GHR: variants seen among roughly 807,000 people sequenced by gnomAD.
The protein encoded by GHR is growth hormone receptor.
A neutral mutation model predicts 67.1 loss-of-function variants in GHR; 35 were observed. The observed-to-expected ratio is 0.52, with a 90% CI of 0.40 to 0.69. The LOEUF (loss-of-function observed/expected upper bound fraction) is 0.69, where lower values mean the gene tolerates loss of function less well. Among genes scored for constraint, GHR ranks in the 30% least tolerant of loss-of-function variants. The probability of loss-of-function intolerance (pLI) is 0.00; values close to 1 mark genes in which losing one functional copy is unlikely to be tolerated. For missense variants in GHR, 792 were observed against 764.6 expected (o/e 1.04, Z -0.42); for synonymous variants, 272 against 269.1 (o/e 1.01, Z -0.10).
At chr5:42,706,218 C>A (rs539967810) in intron 6 of GHR, among the ~76,000 whole-genome samples, 33 of 151,978 alleles carry the variant, frequency 2.2e-4, no homozygotes, top group African/African-American at 8.0e-4. Flanking sequence ...CTGTTTATGC[C>A]TTTTGTCCAT....
At chr5:42,492,469 T>C (rs1278889193) in intron 1 of GHR, among the ~76,000 whole-genome samples, 2 of 152,156 alleles carry the variant, frequency 1.3e-5, no homozygotes, top group East Asian at 1.9e-4. Flanking sequence ...CTGAAGGCTG[T>C]TTTTCTATAG....
In GHR at chr5:42,424,734, G is replaced by A. The variant is rs1742773255; in HGVS notation, c.-12+779G>A. On this transcript the variant is annotated intron_variant, in intron 1 of 9. Transcript: ENST00000230882. This position sits in a 1 kb window ranked among gnomAD's most constrained non-coding sequence, Gnocchi z 4.1. The stretch of plus-strand genomic sequence containing the variant: ...GGGGTGGCCGCGTGTCTAGGGAGAG[G>A]GCGCTGGCGGCGCAGAGGGTGCGGG... 1 of 927,888 alleles carries A rather than the reference G, an allele frequency of 1.1e-6. No homozygotes were observed. The highest frequency in any genetic ancestry group is 1.7e-6 in the Non-Finnish European group (1 of 592,056). 57.5% of individuals were successfully genotyped at this position (927,888 alleles called of 1,614,324 possible). A position where few individuals can be genotyped will look rare whatever the true frequency, so the allele number is the denominator to read the frequency against.
chr5:42,513,525 C>T (rs902074311), intron 1 of GHR, among the ~76,000 whole-genome samples: 4 of 152,152 alleles, frequency 2.6e-5, no homozygotes, highest in Admixed American at 6.5e-5. Flanking sequence ...CGGTACTGTA[C>T]GTCTGTAATC....
chr5:42,519,232 C>T (rs1414373182), intron 1 of GHR, among the ~76,000 whole-genome samples: 2 of 152,118 alleles, frequency 1.3e-5, no homozygotes, highest in Non-Finnish European at 2.9e-5. Flanking sequence ...TTGTCTTCAG[C>T]CCAAAACTTT....
chr5:42,617,343 G>T (rs1430737394), intron 2 of GHR, among the ~76,000 whole-genome samples: 1 of 150,222 alleles, frequency 6.7e-6, no homozygotes, highest in Non-Finnish European at 1.5e-5. Context: ...TATTATTTTG[G>T]TTGCTCTTCA....
At chr5:42,677,174 A>G (rs1186739613) in intron 3 of GHR, among the ~76,000 whole-genome samples, 1 of 152,134 alleles carries the variant, frequency 6.6e-6, no homozygotes, top group Non-Finnish European at 1.5e-5. Context: ...TAGTGAGAGA[A>G]CTCAAAACTC....
At chr5:42,463,719 C>A (rs1187922076) in intron 1 of GHR, among the ~76,000 whole-genome samples, 2 of 151,978 alleles carry the variant, frequency 1.3e-5, no homozygotes, top group South Asian at 4.1e-4. Context: ...GTGGGCCGGG[C>A]GCGGTGGCTC....
intron 3 of GHR, among the ~76,000 whole-genome samples, chr5:42,671,726 G>T (rs1756314590): frequency 6.6e-6 from 1 of 151,554 alleles, no homozygotes; most frequent in Non-Finnish European, 1.5e-5. Flanking sequence ...GGAGGCCGAG[G>T]TGGGCGGATC....
chr5:42,553,887 A>T (rs1031798443), intron 1 of GHR, among the ~76,000 whole-genome samples: 1 of 152,336 alleles, frequency 6.6e-6, no homozygotes, highest in Middle Eastern at 3.4e-3. Flanking sequence ...TTTCAGTATT[A>T]AAATTACTTG....
At chr5:42,458,219 A>C (rs529783093) in intron 1 of GHR, among the ~76,000 whole-genome samples, 2 of 152,290 alleles carry the variant, frequency 1.3e-5, no homozygotes, top group South Asian at 4.1e-4. Context: ...TCATTCTCTC[A>C]CTTCAAATCA....
At chr5:42,539,096 G>C (rs1002597624) in intron 1 of GHR, among the ~76,000 whole-genome samples, 2 of 151,712 alleles carry the variant, frequency 1.3e-5, no homozygotes, top group East Asian at 1.9e-4. Context: ...TCATTTCGTT[G>C]TATCAGATTT....
chr5:42,718,821 T>G lies in GHR; in HGVS notation c.1314T>G (p.Asp438Glu). ...QKNQNNSPYH[D>E]ACPATQQPSV... Reference sequence around the variant, plus strand: ...ATCAAAATAACTCACCTTATCATGATGCTTGCCCTGCTACTCAGCAGCCCA... The same window carrying G: ...ATCAAAATAACTCACCTTATCATGAGGCTTGCCCTGCTACTCAGCAGCCCA... The change falls in exon 10 of 10, where the codon GAT (aspartate) becomes GAG (glutamate). Residue 438 changes from aspartate (D) to glutamate (E), a missense_variant. Transcript: ENST00000230882. 1 of 1,614,150 alleles carries G rather than the reference T, an allele frequency of 6.2e-7. No homozygotes were observed. Among genetic ancestry groups the G allele is most frequent in the South Asian group, 1.1e-5 (1 of 91,074 alleles).
rs1242638702 is a variant in GHR, at chr5:42,720,729, G to T, written c.*1305G>T. 1 of 152,046 alleles carries T rather than the reference G, an allele frequency of 6.6e-6. No individual in the cohort carries two copies. Among genetic ancestry groups the T allele is most frequent in the African/African-American group, 2.4e-5 (1 of 41,390 alleles). The allele number at this position is 152,046 out of a possible 1,614,324, so 9.4% of individuals were successfully genotyped here. The stretch of plus-strand genomic sequence containing the variant: ...CAGATAACTGAAAATTATTTAAACC[G>T]CTAAAAGAAACTTTCTTTCTCACTA... On this transcript the variant is annotated 3_prime_UTR_variant, in exon 10 of 10. Transcript: ENST00000230882.
At chr5:42,699,422 G>T (rs1393980915) in intron 5 of GHR, among the ~76,000 whole-genome samples, 1 of 152,214 alleles carries the variant, frequency 6.6e-6, no homozygotes, top group African/African-American at 2.4e-5. Context: ...TCTACCCCTA[G>T]TTCCGAAGCA....
chr5:42,531,593 G>C (rs1747972060), intron 1 of GHR, among the ~76,000 whole-genome samples: 2 of 151,716 alleles, frequency 1.3e-5, no homozygotes, highest in South Asian at 4.2e-4. Flanking sequence ...ACAGATTTTT[G>C]AAGTTCACCC....
At chr5:42,637,330 G>A (rs1754246179) in intron 3 of GHR, among the ~76,000 whole-genome samples, 1 of 152,034 alleles carries the variant, frequency 6.6e-6, no homozygotes, top group African/African-American at 2.4e-5. Context: ...TTAGATTTAG[G>A]GGGTACACGT....
At chr5:42,636,880 G>A (rs1370456860) in intron 3 of GHR, among the ~76,000 whole-genome samples, 1 of 152,062 alleles carries the variant, frequency 6.6e-6, no homozygotes, top group East Asian at 1.9e-4. Context: ...ATATATTTAA[G>A]CCAAAAATAA....
At chr5:42,650,414 T>C (rs541972544) in intron 3 of GHR, among the ~76,000 whole-genome samples, 17 of 152,110 alleles carry the variant, frequency 1.1e-4, no homozygotes, top group Admixed American at 9.2e-4. Context: ...TTAAATTAGA[T>C]TGGCTGGAAT....
chr5:42,454,593 G>A (rs1744183065), intron 1 of GHR, among the ~76,000 whole-genome samples: 1 of 152,142 alleles, frequency 6.6e-6, no homozygotes, highest in African/African-American at 2.4e-5. Flanking sequence ...TGTTCCAGAG[G>A]GGATTATGGC....
Sources: allele counts gnomAD v4.1 joint callset (sites outside exome capture counted in the v4.1 genomes callset), GRCh38; gene constraint gnomAD v4.1.1; non-coding constraint Gnocchi (gnomAD v3.1); transcripts MANE v1.5; gene names NCBI Gene and HGNC (gene_info 2026-07-23, HGNC 2026-07-21).